The following CHRNB1 variants were observed in gnomAD, a reference collection of about 807,000 sequenced individuals.
CHRNB1 encodes the protein acetylcholine receptor subunit beta.
CHRNB1 carries 47 observed loss-of-function variants against 53.8 expected under a neutral mutation model. The ratio of observed to expected loss-of-function variants is 0.87; its 90% CI spans 0.69 to 1.11. The LOEUF is 1.11. Among genes scored for constraint, CHRNB1 ranks in the 50% most tolerant of loss-of-function variants. The probability of loss-of-function intolerance (pLI) is 0.00; values close to 1 mark genes in which losing one functional copy is unlikely to be tolerated. For synonymous variants in CHRNB1, 259 were observed against 263.5 expected (o/e 0.98, Z 0.16); for missense variants, 605 against 654.9 (o/e 0.92, Z 0.83).
chr17:7,446,058 T>C lies in CHRNB1; in HGVS notation c.199-11T>C, dbSNP rs1157453630. ...TACTTCACCTTTACGCCTTAAATTTTTCCCTTCTAGAACGAGAAGGATGAA... is the reference window on the plus strand; with the variant it reads ...TACTTCACCTTTACGCCTTAAATTTCTCCCTTCTAGAACGAGAAGGATGAA... On this transcript the variant is annotated splice_polypyrimidine_tract_variant and intron_variant, in intron 2 of 10. Transcript: ENST00000306071. 1.9e-6 allele frequency: 3 copies of C among 1,613,650 alleles called. No homozygotes were observed. The highest frequency in any genetic ancestry group is 2.5e-6 in the Non-Finnish European group (3 of 1,179,704).
Position 7,455,850 on chromosome 17 carries a change from G to A in CHRNB1, c.1274G>A (p.Arg425Gln), listed in dbSNP as rs764537041. 8 of 1,613,918 alleles carry A rather than the reference G, an allele frequency of 5.0e-6. No homozygotes were observed. The East Asian group carries it at 1.1e-4, about 22-fold the overall frequency. ...DLRRFIDGPN[R>Q]AVALLPELRE... ...CGGCGATTTATCGATGGTCCAAACCGGGCTGTGGCCCTGCTTCCGGAGCTA... is the reference window on the plus strand; with the variant it reads ...CGGCGATTTATCGATGGTCCAAACCAGGCTGTGGCCCTGCTTCCGGAGCTA... Residue 425 changes from arginine (R) to glutamine (Q), a missense_variant, in exon 10 of 11, where the codon CGG becomes CAG. Arg to Gln is a conservative substitution (Grantham distance 43). Transcript: ENST00000306071.
intron 10 of CHRNB1, 108 bp downstream of exon 10, chr17:7,456,049 C>CTTTTTTTTTTTTTTTTTTTTTTTTTTTTT (rs528936191): frequency 2.4e-6 from 1 of 409,734 alleles, no homozygotes; most frequent in Non-Finnish European, 3.6e-6. Context: ...TTTTTTTTGG[C>CTTTTTTTTTTTTTTTTTTTTTTTTTTTTT]TTTTTTTTTT....
rs937657863 is a variant in CHRNB1, at chr17:7,453,833, G to T, written c.821-464G>T. ...CCCAACAGTTTGGGAGGCCAAGGTGGGTGGATCACTTGAGCTCAGGAGTTT... is the reference window on the plus strand; with the variant it reads ...CCCAACAGTTTGGGAGGCCAAGGTGTGTGGATCACTTGAGCTCAGGAGTTT... On this transcript the variant is annotated intron_variant, in intron 7 of 10. Coordinates refer to ENST00000306071, the MANE Select transcript of CHRNB1 (RefSeq NM_000747.3). 7.9e-4 allele frequency among the ~76,000 whole-genome samples: 120 copies of T among 152,036 alleles called. 1 individual carries two copies. Among genetic ancestry groups the T allele is most frequent in the Non-Finnish European group, 3.1e-4 (21 of 67,974 alleles).
At position 7,456,565 on chromosome 17, in the gene CHRNB1, T is replaced by G; in HGVS notation, c.1366-18T>G. On this transcript the variant is annotated intron_variant, in intron 10 of 10. Coordinates refer to ENST00000306071, the MANE Select transcript of CHRNB1 (RefSeq NM_000747.3). Reference sequence around the variant, plus strand: ...GTCTGGGCCCAGAGCTCAGGAAGTTTCCTTTGCCTACCCACAGCTGAAGGA... The same window carrying G: ...GTCTGGGCCCAGAGCTCAGGAAGTTGCCTTTGCCTACCCACAGCTGAAGGA... The G allele has an allele frequency of 6.2e-7, 1 of 1,613,998 alleles. No individual in the cohort carries two copies. The highest frequency in any genetic ancestry group is 8.5e-7 in the Non-Finnish European group (1 of 1,179,992).
chr17:7,452,030 C>T (rs924731427), intron 7 of CHRNB1, among the ~76,000 whole-genome samples: 2 of 151,038 alleles, frequency 1.3e-5, no homozygotes, highest in Admixed American at 1.3e-4. Context: ...ATAATATGAT[C>T]TGATTCTATT....
intron 7 of CHRNB1, among the ~76,000 whole-genome samples, chr17:7,449,228 C>T (rs1464009826): frequency 4.0e-5 from 6 of 151,370 alleles, no homozygotes; most frequent in African/African-American, 1.5e-4. Flanking sequence ...CTCAGCCTCC[C>T]GAGTAGCTGG....
rs1158336202 is a variant in CHRNB1, at chr17:7,455,813, G to A, written c.1237G>A (p.Ala413Thr). The A allele has an allele frequency of 6.2e-7, 1 of 1,614,028 alleles. No individual in the cohort carries two copies. Among genetic ancestry groups the A allele is most frequent in the Non-Finnish European group, 8.5e-7 (1 of 1,180,042 alleles). Residue 413 changes from alanine (A) to threonine (T), a missense_variant, in exon 10 of 11, where the codon GCC (alanine) becomes ACC (threonine). Physicochemically the swap from Ala to Thr is moderately conservative, Grantham distance 58. Coordinates refer to ENST00000306071, the MANE Select transcript of CHRNB1 (RefSeq NM_000747.3). Reference sequence around the variant, plus strand: ...TTCCAGGTTCCAGCCTGAACTGTCTGCCCCTGATCTGCGGCGATTTATCGA... The same window carrying A: ...TTCCAGGTTCCAGCCTGAACTGTCTACCCCTGATCTGCGGCGATTTATCGA... ...KPNRFQPELS[A>T]PDLRRFIDGP...
At chr17:7,451,264 C>CT in intron 7 of CHRNB1, among the ~76,000 whole-genome samples, 1 of 129,546 alleles carries the variant, frequency 7.7e-6, no homozygotes, top group Non-Finnish European at 1.6e-5. Context: ...CTTTTCTTTT[C>CT]TTTTCTTTTC....
chr17:7,448,696 G>A lies in CHRNB1; in HGVS notation c.728G>A (p.Arg243His), dbSNP rs200409941. The A allele has an allele frequency of 7.3e-5, 118 of 1,614,156 alleles. No homozygotes were observed. The highest frequency in any genetic ancestry group is 2.0e-4 in the East Asian group (9 of 44,890). The change falls in exon 7 of 11, where the codon CGC (arginine) becomes CAC (histidine). Residue 243 changes from arginine to histidine, a missense_variant. Physicochemically the swap from Arg to His is conservative, Grantham distance 29. Transcript: ENST00000306071. ...QEVIFYLIIRRKPLFYLVNVI... is the reference protein window; with the variant it reads ...QEVIFYLIIRHKPLFYLVNVI... ...GTCATCTTCTACCTCATCATCCGCC[G>A]CAAGCCTCTCTTCTACCTGGTCAAC...
intron 3 of CHRNB1, 164 bp downstream of exon 3, chr17:7,446,277 C>T: frequency 1.5e-6 from 1 of 672,710 alleles, no homozygotes; most frequent in South Asian, 1.7e-5. Context: ...ACAGGAGTTA[C>T]ACCCCATGCA....
intron 3 of CHRNB1, chr17:7,446,632 C>T: frequency 1.7e-6 from 1 of 600,260 alleles, no homozygotes; most frequent in East Asian, 2.8e-5. Context: ...AATATTGAAA[C>T]CCGGTGCGGG....
intron 3 of CHRNB1, 138 bp from the exon 4 acceptor site, chr17:7,446,695 A>G (rs1908647311): frequency 1.5e-6 from 1 of 671,796 alleles, no homozygotes; most frequent in South Asian, 1.7e-5. Context: ...AGCCAGAGCC[A>G]GAACCACGGC....
Position 7,446,895 on chromosome 17 carries a change from C to T in CHRNB1, c.306C>T (p.Arg102=). The T allele has an allele frequency of 1.2e-6, 2 of 1,608,818 alleles. No homozygotes were observed. Among genetic ancestry groups the T allele is most frequent in the Non-Finnish European group, 8.5e-7 (1 of 1,177,084 alleles). The change falls in exon 4 of 11, where the codon CGC becomes CGT. Residue 102 remains arginine, a synonymous_variant. Coordinates refer to ENST00000306071, the MANE Select transcript of CHRNB1 (RefSeq NM_000747.3). ...AGCACGACGGCATCGATTCGCTCCG[C>T]ATCACGGCGGAATCCGTGTGGCTCC... ...PAEHDGIDSL[R]ITAESVWLPD... is the part of the protein sequence containing the mutation.
chr17:7,454,889 A>C (rs1270360139), intron 8 of CHRNB1, among the ~76,000 whole-genome samples: 1 of 129,512 alleles, frequency 7.7e-6, no homozygotes, highest in Non-Finnish European at 1.5e-5. Context: ...TGCAACCTTC[A>C]CCTCCCAGGT....
chr17:7,455,744 C>G (rs937350455), intron 9 of CHRNB1, 50 bp from the exon 10 acceptor site: 1 of 1,613,424 alleles, frequency 6.2e-7, no homozygotes, highest in Non-Finnish European at 8.5e-7. Context: ...CCTGGGTCGC[C>G]GGCACTGGCT....
intron 7 of CHRNB1, among the ~76,000 whole-genome samples, chr17:7,453,956 G>A (rs1908979522): frequency 6.6e-6 from 1 of 152,066 alleles, no homozygotes; most frequent in South Asian, 2.1e-4. Context: ...AGCTACTCAG[G>A]AGGCCGAGGT....
intron 7 of CHRNB1, among the ~76,000 whole-genome samples, chr17:7,450,119 T>C (rs1908832139): frequency 6.6e-6 from 1 of 150,864 alleles, no homozygotes. Flanking sequence ...GGCAGCAAAA[T>C]AGGATAACTT....
At chr17:7,451,847 G>A (rs917827223) in intron 7 of CHRNB1, among the ~76,000 whole-genome samples, 8 of 152,202 alleles carry the variant, frequency 5.3e-5, no homozygotes, top group Admixed American at 4.6e-4. Flanking sequence ...ACCCAAGGAC[G>A]TCCTCACTCC....
chr17:7,445,225 G>A lies in CHRNB1; in HGVS notation c.58+40G>A. ...CGAAGGGGCAGTGACGGGGCCAGCGGTCGTGGCCAGGCACCAGGGCTGCAC... is the reference window on the plus strand; with the variant it reads ...CGAAGGGGCAGTGACGGGGCCAGCGATCGTGGCCAGGCACCAGGGCTGCAC... On this transcript the variant is annotated intron_variant, in intron 1 of 10. Coordinates refer to ENST00000306071, the MANE Select transcript of CHRNB1 (RefSeq NM_000747.3). This position sits in a 1 kb window ranked among gnomAD's most constrained non-coding sequence, Gnocchi z 5.7. The A allele has an allele frequency of 6.2e-7, 1 of 1,611,762 alleles. No individual in the cohort carries two copies.
Sources: gnomAD v4.1 joint callset for allele counts (sites outside exome capture counted in the v4.1 genomes callset) on GRCh38, gnomAD v4.1.1 for gene constraint, Gnocchi (gnomAD v3.1) non-coding constraint, MANE v1.5 for transcripts, NCBI Gene and HGNC (gene_info 2026-07-23, HGNC 2026-07-21) for gene names.